MUC4: variants seen among roughly 807,000 people sequenced by gnomAD.
MUC4 encodes the protein mucin 4, cell surface associated.
A neutral mutation model predicts 257.9 loss-of-function variants in MUC4; 202 were observed. That is an observed-to-expected ratio of 0.78 (90% confidence interval 0.70 to 0.88). The LOEUF is 0.88. Ranked by LOEUF, MUC4 falls within the 40% of genes least tolerant of loss-of-function variation. MUC4 has a pLI of 0.00. For missense variants in MUC4, 5,976 were observed against 6,513.7 expected, an observed-to-expected ratio of 0.92 and a Z score of 2.84; for synonymous variants, 2,351 against 2,757.1, an observed-to-expected ratio of 0.85 and a Z score of 4.62.
Position 195,757,071 on chromosome 3 carries a change from G to A in MUC4, c.15168+76C>T. On this transcript the variant is annotated intron_variant, in intron 18 of 24. Coordinates refer to ENST00000463781, the MANE Select transcript of MUC4 (RefSeq NM_018406.7). This position sits in a 1 kb window ranked among gnomAD's most constrained non-coding sequence, Gnocchi z 4.8. ...AACACAGACACACCCAGGACAGGCA[G>A]AATCACAGCATCCATTCCACTCCCA... is the stretch of plus-strand genomic sequence containing the variant. The A allele has an allele frequency of 6.9e-7, 1 of 1,459,544 alleles. No homozygotes were observed. The highest frequency in any genetic ancestry group is 9.4e-7 in the Non-Finnish European group (1 of 1,063,140). The allele number at this position is 1,459,544 out of a possible 1,614,324, so 90.4% of individuals were successfully genotyped here.
Position 195,769,025 on chromosome 3 carries a change from G to A in MUC4, c.13526C>T (p.Ser4509Phe). 1 of 1,613,104 alleles carries A rather than the reference G, an allele frequency of 6.2e-7. No individual in the cohort carries two copies. The highest frequency in any genetic ancestry group is 8.5e-7 in the Non-Finnish European group (1 of 1,179,298). Residue 4509 changes from serine to phenylalanine, a missense_variant, in exon 7 of 25, where the codon TCT becomes TTT. This residue lies in a region of MUC4 where 996 missense variants were observed against 1,137.3 expected (regional missense o/e 0.88). Coordinates refer to ENST00000463781, the MANE Select transcript of MUC4 (RefSeq NM_018406.7). Reference sequence around the variant, plus strand: ...CTGACAGCCCCTCCCATCCTACCTAGAGAAGCCCATGAGCACCGGGTTGCC... The same window carrying A: ...CTGACAGCCCCTCCCATCCTACCTAAAGAAGCCCATGAGCACCGGGTTGCC... ...RSGNPVLMGFSSGDGYFENSP... is the reference protein window; with the variant it reads ...RSGNPVLMGFFSGDGYFENSP...
chr3:195,792,245 G>A (rs1733952483), intron 1 of MUC4, among the ~76,000 whole-genome samples: 1 of 152,052 alleles, frequency 6.6e-6, no homozygotes, highest in African/African-American at 2.4e-5. Context: ...TCTGACAGAG[G>A]TCTAATATCC....
In MUC4 at chr3:195,749,052, G is replaced by A. The variant is rs531395109; in HGVS notation, c.15884C>T (p.Thr5295Met). The A allele has an allele frequency of 8.1e-6, 13 of 1,606,834 alleles. No homozygotes were observed. The East Asian group carries it at 9.0e-5, about 11-fold the overall frequency. ...VRDVTALNVS[T>M]LKAYFRCDGY... is the part of the protein sequence containing the mutation. ...ATCGCATCTGAAGTAAGCCTTCAGC[G>A]TGCTCACGTTCACTGTCGGGAAGGA... is the stretch of plus-strand genomic sequence containing the variant. Residue 5295 changes from threonine (T) to methionine (M), a missense_variant, in exon 24 of 25, where the codon ACG becomes ATG. Transcript: ENST00000463781.
At chr3:195,751,639 G>T (rs183387583) in intron 21 of MUC4, 21 of 371,172 alleles carry the variant, frequency 5.7e-5, no homozygotes, top group East Asian at 3.1e-4. Flanking sequence ...GGGGCTGGGG[G>T]TGTCAAGGTG....
In MUC4 at chr3:195,781,107, G is replaced by C. The variant is rs753897236; in HGVS notation, c.10473C>G (p.Val3491=). The change falls in exon 2 of 25, where the codon GTC becomes GTG. Residue 3491 remains valine (V), a synonymous_variant. Coordinates refer to ENST00000463781, the MANE Select transcript of MUC4 (RefSeq NM_018406.7). ...ASTGHTTPLH[V]TIPSSASTGD... ...CTGTGGATGCTGAGGAAGGGATGGT[G>C]ACATGAAGAGGGGTGGTGTGACCTG... 10 of 1,488,346 alleles carry C rather than the reference G, an allele frequency of 6.7e-6. No homozygotes were observed. The highest frequency in any genetic ancestry group is 3.3e-5 in the African/African-American group (2 of 60,620). The allele number at this position is 1,488,346 out of a possible 1,614,324, so 92.2% of individuals were successfully genotyped here.
intron 1 of MUC4, among the ~76,000 whole-genome samples, chr3:195,811,081 G>A (rs928425486): frequency 6.6e-5 from 10 of 151,086 alleles, no homozygotes; most frequent in African/African-American, 1.2e-4. Flanking sequence ...ATCTTGTCCC[G>A]TATCTGCCAG....
rs1343231276 is a variant in MUC4, at chr3:195,790,379, C to G, written c.1201G>C (p.Asp401His). The G allele has an allele frequency of 6.2e-7, 1 of 1,613,752 alleles. No homozygotes were observed. Residue 401 changes from aspartate to histidine, a missense_variant, in exon 2 of 25, where the codon GAC (aspartate) becomes CAC (histidine). By Grantham distance (81) the Asp-to-His change is moderately conservative. Coordinates refer to ENST00000463781, the MANE Select transcript of MUC4 (RefSeq NM_018406.7). ...TCCTCTGTGTTTCCAAGAGTAGAGTCTCTGGAGGTTGGCATTCTGAACACC... is the reference window on the plus strand; with the variant it reads ...TCCTCTGTGTTTCCAAGAGTAGAGTGTCTGGAGGTTGGCATTCTGAACACC... ...SKVFRMPTSR[D>H]STLGNTEETS...
In MUC4 at chr3:195,764,636, C is replaced by T. The variant is rs139809455; in HGVS notation, c.13924+361G>A. Among the ~76,000 whole-genome samples, 41 of 152,102 alleles carry T rather than the reference C, an allele frequency of 2.7e-4. No homozygotes were observed. The East Asian group carries it at 4.7e-3, about 17-fold the overall frequency. On this transcript the variant is annotated intron_variant, in intron 10 of 24. Transcript: ENST00000463781. ...CAGACCACGTGACCCCACACCCCTG[C>T]GCTCTCCAGCTCCCTTGGAGCGTCT... is the stretch of plus-strand genomic sequence containing the variant.
intron 17 of MUC4, 148 bp downstream of exon 17, chr3:195,758,976 G>A (rs955626738): frequency 3.0e-5 from 34 of 1,135,516 alleles, no homozygotes; most frequent in Non-Finnish European, 3.6e-5. Context: ...TATAGATATC[G>A]CTCCTCGGAA....
chr3:195,808,007 G>A (rs1736200561), intron 1 of MUC4, among the ~76,000 whole-genome samples: 1 of 152,320 alleles, frequency 6.6e-6, no homozygotes, highest in South Asian at 2.1e-4. Flanking sequence ...CCTGCTCTAG[G>A]GCCATGGCCC....
intron 11 of MUC4, 101 bp from the exon 12 acceptor site, chr3:195,763,742 G>C (rs1719755951): frequency 2.4e-6 from 3 of 1,233,558 alleles, no homozygotes; most frequent in Non-Finnish European, 3.3e-6. Context: ...GAGGACTCAG[G>C]GTGAGGTTCC....
rs76968639 is a variant in MUC4, at chr3:195,763,718, C to T, written c.14045-77G>A. The T allele has an allele frequency of 7.1e-5, 95 of 1,344,132 alleles. No homozygotes were observed. In the African/African-American group the frequency reaches 1.2e-3, roughly 16 times the overall value. 83.3% of individuals were successfully genotyped at this position (1,344,132 alleles called of 1,614,324 possible). ...TGAGGTTCCTCACTGCAGTCAGGTG[C>T]GGCACTTGTCCAGGAGGACTCAGGG... On this transcript the variant is annotated intron_variant, in intron 11 of 24. Transcript: ENST00000463781.
At chr3:195,756,739 T>A (rs1182760918) in intron 18 of MUC4, among the ~76,000 whole-genome samples, 1 of 151,948 alleles carries the variant, frequency 6.6e-6, no homozygotes, top group Non-Finnish European at 1.5e-5. Flanking sequence ...CTTGGCTCAC[T>A]GTAACCTCCA....
chr3:195,780,952 G>GA lies in MUC4; in HGVS notation c.10627dup (p.Ser3543PhefsTer7). 6.7e-7 allele frequency: 1 copy of GA among 1,499,710 alleles called. No individual in the cohort carries two copies. Among genetic ancestry groups the GA allele is most frequent in the African/African-American group, 1.5e-5 (1 of 64,982 alleles). The allele number at this position is 1,499,710 out of a possible 1,614,324, so 92.9% of individuals were successfully genotyped here. A position where few individuals can be genotyped will look rare whatever the true frequency, so the allele number is the denominator to read the frequency against. On this transcript the variant is annotated frameshift_variant, in exon 2 of 25. Coordinates refer to ENST00000463781, the MANE Select transcript of MUC4 (RefSeq NM_018406.7). LOFTEE classifies it high-confidence loss of function. ...GGTGGTGTCACCTGTGGATACTGAG[G>GA]AAAGGCTGGTGACAGGAAGAGGCGT...
Position 195,779,347 on chromosome 3 carries a change from G to A in MUC4, c.12233C>T (p.Thr4078Ile). Residue 4078 changes from threonine (T) to isoleucine (I), a missense_variant, in exon 2 of 25, where the codon ACC becomes ATC. Physicochemically the swap from Thr to Ile is moderately conservative, Grantham distance 89. Around this residue, in one of 44 missense-constraint regions of MUC4, gnomAD observed 293 missense variants for 294.5 expected, o/e 1.00. Coordinates refer to ENST00000463781, the MANE Select transcript of MUC4 (RefSeq NM_018406.7). ...TSPSSASRGD[T>I]STLPVTDASS... ...AGCATCGGTGACAGGAAGAGTGCTG[G>A]TGTCACCTCTGGATGCTGAGGAAGG... 1 of 1,082,196 alleles carries A rather than the reference G, an allele frequency of 9.2e-7. No homozygotes were observed. The highest frequency in any genetic ancestry group is 1.3e-6 in the Non-Finnish European group (1 of 796,890). 67.0% of individuals were successfully genotyped at this position (1,082,196 alleles called of 1,614,324 possible).
intron 16 of MUC4, 26 bp downstream of exon 16, chr3:195,760,858 G>C (rs1385568976): frequency 6.2e-7 from 1 of 1,601,746 alleles, no homozygotes; most frequent in Non-Finnish European, 8.5e-7. Flanking sequence ...CTCTGAAAAG[G>C]CCTCCCCAGG....
chr3:195,781,454 G>C lies in MUC4; in HGVS notation c.10126C>G (p.Arg3376Gly). 6.5e-7 allele frequency: 1 copy of C among 1,537,240 alleles called. No individual in the cohort carries two copies. Among genetic ancestry groups the C allele is most frequent in the South Asian group, 1.2e-5 (1 of 83,714 alleles). Reference protein sequence around the residue: ...LSSASTGDTTRLPVTDISSAS... With the variant: ...LSSASTGDTTGLPVTDISSAS... ...GAGGAAATGTCGGTGACAGGAAGAC[G>C]GGTGGTGTCACCTGTGGAAGCTGAG... The change falls in exon 2 of 25, where the codon CGT becomes GGT. Residue 3376 changes from arginine to glycine, a missense_variant. Arg to Gly is a moderately radical substitution (Grantham distance 125). Coordinates refer to ENST00000463781, the MANE Select transcript of MUC4 (RefSeq NM_018406.7).
Position 195,765,466 on chromosome 3 carries a change from G to C in MUC4, c.13619-17C>G, listed in dbSNP as rs1446206224. 7.5e-6 allele frequency: 12 copies of C among 1,606,288 alleles called. No homozygotes were observed. The highest frequency in any genetic ancestry group is 1.7e-4 in the Middle Eastern group (1 of 6,052). On this transcript the variant is annotated splice_polypyrimidine_tract_variant and intron_variant, in intron 8 of 24. Coordinates refer to ENST00000463781, the MANE Select transcript of MUC4 (RefSeq NM_018406.7). The stretch of plus-strand genomic sequence containing the variant: ...CTTGGAGGCCTGAGGTCGGGGATGG[G>C]GGGGAAAGGGCTTATCCAGGGCTGG...
chr3:195,749,185 T>C, intron 23 of MUC4, 121 bp from the exon 24 acceptor site: 1 of 1,230,672 alleles, frequency 8.1e-7, no homozygotes, highest in Non-Finnish European at 1.1e-6. Flanking sequence ...AGTGCACAGA[T>C]ACATATGCCC....
Sources: allele counts gnomAD v4.1 joint callset (sites outside exome capture counted in the v4.1 genomes callset), GRCh38; gene constraint gnomAD v4.1.1; regional missense constraint gnomAD v4.1.1; non-coding constraint Gnocchi (gnomAD v3.1); transcripts MANE v1.5; gene names NCBI Gene and HGNC (gene_info 2026-07-23, HGNC 2026-07-21).